Variants in NUP160 observed in about 807,000 individuals in gnomAD.
The protein encoded by NUP160 is nuclear pore complex protein Nup160.
In NUP160, 94 loss-of-function variants were observed where a neutral mutation model predicts 196.9. The ratio of observed to expected loss-of-function variants is 0.48; its 90% CI spans 0.40 to 0.57. The LOEUF (loss-of-function observed/expected upper bound fraction) is 0.57, where lower values mean the gene tolerates loss of function less well. Ranked by LOEUF, NUP160 falls within the 20% of genes least tolerant of loss-of-function variation. The pLI, the probability that NUP160 is intolerant of heterozygous loss-of-function variation, is 0.00. For missense variants in NUP160, 1,638 were observed against 1,748.3 expected (o/e 0.94, Z 1.13); for synonymous variants, 605 against 619.7 (o/e 0.98, Z 0.35).
At chr11:47,826,664 G>C (rs1851973955) in intron 7 of NUP160, among the ~76,000 whole-genome samples, 1 of 150,940 alleles carries the variant, frequency 6.6e-6, no homozygotes, top group Admixed American at 6.6e-5. Context: ...CTGGGTTCAA[G>C]CAATTCTCCT....
In NUP160 at chr11:47,839,758, C is replaced by T. The variant is rs141844007; in HGVS notation, c.748+85G>A. 11 of 1,115,046 alleles carry T rather than the reference C, an allele frequency of 9.9e-6. No individual in the cohort carries two copies. The Admixed American group carries it at 1.7e-4, about 17-fold the overall frequency. The allele number at this position is 1,115,046 out of a possible 1,614,324, so 69.1% of individuals were successfully genotyped here. On this transcript the variant is annotated intron_variant, in intron 4 of 35. Coordinates refer to ENST00000378460, the Ensembl canonical transcript of NUP160. Reference sequence around the variant, plus strand: ...AGTTCCGGGGCAGTAGAGATGCAATCCCTGCATTGGATGACGAGGTTGAAC... The same window carrying T: ...AGTTCCGGGGCAGTAGAGATGCAATTCCTGCATTGGATGACGAGGTTGAAC...
intron 31 of NUP160, among the ~76,000 whole-genome samples, chr11:47,787,867 G>A (rs2097665566): frequency 6.6e-6 from 1 of 152,056 alleles, no homozygotes; most frequent in African/African-American, 2.4e-5. Flanking sequence ...ACAGGCGCCC[G>A]CCACCACGCC....
At chr11:47,812,963 A>G (rs145157576) in exon 15 of NUP160, 16 of 1,612,902 alleles carry the variant, frequency 9.9e-6, no homozygotes, top group Non-Finnish European at 1.3e-5. Context: ...CATTTCCATT[A>G]TAACTGACAT....
intron 27 of NUP160, among the ~76,000 whole-genome samples, chr11:47,794,223 GT>G (rs1196652539): frequency 6.6e-6 from 1 of 152,214 alleles, no homozygotes; most frequent in Non-Finnish European, 1.5e-5. Flanking sequence ...AGCGGGCGCG[GT>G]GGCTCATGCC....
rs186089684 is a variant in NUP160, at chr11:47,778,957, G to A, written c.*148C>T. 14 of 605,586 alleles carry A rather than the reference G, an allele frequency of 2.3e-5. No homozygotes were observed. The East Asian group carries it at 2.9e-4, about 13-fold the overall frequency. The allele number at this position is 605,586 out of a possible 1,614,324, so 37.5% of individuals were successfully genotyped here. On this transcript the variant is annotated 3_prime_UTR_variant, in exon 36 of 36. Transcript: ENST00000378460. ...AAGCACAGGGTCCTCTGACTCTTCC[G>A]CCCTCCTATCTTGTGCAGAATGCAG...
chr11:47,792,880 T>C, exon 28 of NUP160: 2 of 1,614,160 alleles, frequency 1.2e-6, no homozygotes, highest in Non-Finnish European at 1.7e-6. Flanking sequence ...GCCTTGTTTC[T>C]CAAGTCCCCG....
chr11:47,847,648 T>TGGGGGGGGGGGGGGGGGG (rs56283744), intron 2 of NUP160, among the ~76,000 whole-genome samples, 200 bp downstream of exon 2: 3 of 77,458 alleles, frequency 3.9e-5, no homozygotes, highest in Admixed American at 1.6e-4. Flanking sequence ...TGTGTGGGGG[T>TGGGGGGGGGGGGGGGGGG]GGGGGGGGGG....
chr11:47,828,058 A>C (rs1469676992), intron 7 of NUP160, among the ~76,000 whole-genome samples: 1 of 152,156 alleles, frequency 6.6e-6, no homozygotes, highest in Non-Finnish European at 1.5e-5. Context: ...TTGTAGAGAC[A>C]GGGTTTCGCC....
In NUP160 at chr11:47,848,201, C is replaced by T; in HGVS notation, c.202+18G>A. ...GAGGGGACAGATGGGATCGCACCCT[C>T]CCTGGCCATTTCCGTACCAATGCTG... On this transcript the variant is annotated intron_variant, in intron 1 of 35. Transcript: ENST00000378460. 6.2e-7 allele frequency: 1 copy of T among 1,613,934 alleles called. No individual in the cohort carries two copies. The highest frequency in any genetic ancestry group is 1.6e-4 in the Middle Eastern group (1 of 6,062).
At chr11:47,812,772 A>T in intron 15 of NUP160, 110 bp downstream of exon 15, 1 of 810,684 alleles carries the variant, frequency 1.2e-6, no homozygotes, top group Non-Finnish European at 1.9e-6. Context: ...CATCAGTTTG[A>T]CTTTAAGCTA....
chr11:47,785,172 GCT>G (rs1313624387), intron 32 of NUP160, 109 bp from the exon 33 acceptor site: 3 of 476,062 alleles, frequency 6.3e-6, no homozygotes, highest in Non-Finnish European at 1.1e-5. Flanking sequence ...ACAGGGTCTT[GCT>G]CTGTCACCCA....
At position 47,835,814 on chromosome 11, in the gene NUP160, C is replaced by T. The variant is rs577961097; in HGVS notation, c.943-5G>A. 5 of 1,567,392 alleles carry T rather than the reference C, an allele frequency of 3.2e-6. No individual in the cohort carries two copies. In the South Asian group the frequency reaches 3.7e-5, roughly 11 times the overall value. ...TACCATTAGGCACATTTGCTCCTGT[C>T]CAAGAAAATAGTTAATAGGTGATAT... is the stretch of plus-strand genomic sequence containing the variant. On this transcript the variant is annotated splice_region_variant and splice_polypyrimidine_tract_variant and intron_variant, in intron 6 of 35. Transcript: ENST00000378460.
At chr11:47,789,348 CTA>C (rs1172728649) in intron 29 of NUP160, among the ~76,000 whole-genome samples, 4 of 152,144 alleles carry the variant, frequency 2.6e-5, no homozygotes, top group African/African-American at 9.7e-5. Context: ...TCTGTCATCT[CTA>C]TCAATAAGAA....
intron 3 of NUP160, 111 bp downstream of exon 3, chr11:47,840,267 G>A (rs1384599151): frequency 2.1e-6 from 2 of 971,350 alleles, no homozygotes; most frequent in African/African-American, 1.6e-5. Flanking sequence ...CTTGGTGAGG[G>A]ATAACGAGAA....
At chr11:47,803,527 G>C in exon 22 of NUP160, 1 of 1,599,386 alleles carries the variant, frequency 6.3e-7, no homozygotes, top group Non-Finnish European at 8.6e-7. Flanking sequence ...TGTAGCAGTT[G>C]AATATAATCC....
chr11:47,805,377 C>T (rs191780708), intron 20 of NUP160, among the ~76,000 whole-genome samples: 6 of 151,930 alleles, frequency 3.9e-5, no homozygotes, highest in Non-Finnish European at 7.4e-5. Flanking sequence ...GTGATCTGCC[C>T]GCCTTGGCCT....
At chr11:47,792,593 C>G in intron 28 of NUP160, 193 bp downstream of exon 28, 1 of 530,010 alleles carries the variant, frequency 1.9e-6, no homozygotes, top group Non-Finnish European at 3.2e-6. Flanking sequence ...TACAATAATT[C>G]TGAACTTGAA....
chr11:47,799,368 G>T (rs937366068), intron 23 of NUP160, among the ~76,000 whole-genome samples: 5 of 152,114 alleles, frequency 3.3e-5, no homozygotes, highest in African/African-American at 1.2e-4. Context: ...TTACAGGCGT[G>T]AGCCACTGTG....
chr11:47,795,682 TA>T (rs1406600823), intron 27 of NUP160, among the ~76,000 whole-genome samples: 1 of 152,192 alleles, frequency 6.6e-6, no homozygotes, highest in Non-Finnish European at 1.5e-5. Flanking sequence ...ATTGATAATG[TA>T]AGTCCAAATT....
Sources: gnomAD v4.1 joint callset for allele counts (sites outside exome capture counted in the v4.1 genomes callset) on GRCh38, gnomAD v4.1.1 for gene constraint, MANE v1.5 for transcripts, NCBI Gene and HGNC (gene_info 2026-07-23, HGNC 2026-07-21) for gene names.